The following ABCC4 variants were observed in gnomAD, a reference collection of about 807,000 sequenced individuals.
ABCC4 encodes ATP-binding cassette sub-family C member 4.
Under a neutral mutation model 168.5 loss-of-function variants are expected in ABCC4, and 102 were observed. That is an observed-to-expected ratio of 0.61 (90% CI 0.52 to 0.71). ABCC4 has a LOEUF of 0.71. ABCC4 is among the 30% of genes least tolerant of loss of function. The pLI, the probability that ABCC4 is intolerant of heterozygous loss-of-function variation, is 0.00. For synonymous variants in ABCC4, 617 were observed against 590.7 expected (o/e 1.04, Z -0.65); for missense variants, 1,402 against 1,605.8 (o/e 0.87, Z 2.17).
At chr13:95,244,961 C>G (rs2040069070) in intron 3 of ABCC4, among the ~76,000 whole-genome samples, 1 of 152,114 alleles carries the variant, frequency 6.6e-6, no homozygotes, top group African/African-American at 2.4e-5. Flanking sequence ...TCGATCCGGG[C>G]CCCTTCCCAC....
chr13:95,179,983 CTA>C (rs1449324039), intron 11 of ABCC4, among the ~76,000 whole-genome samples: 1 of 152,164 alleles, frequency 6.6e-6, no homozygotes, highest in East Asian at 1.9e-4. Flanking sequence ...CTATTGATGA[CTA>C]TGACATATTT....
chr13:95,218,150 C>T (rs181837280), intron 4 of ABCC4, among the ~76,000 whole-genome samples: 79 of 152,234 alleles, frequency 5.2e-4, no homozygotes, highest in Non-Finnish European at 9.1e-4. Context: ...ATGAAACTTC[C>T]AATTAAACTG....
intron 3 of ABCC4, among the ~76,000 whole-genome samples, chr13:95,241,604 T>C (rs1401932081): frequency 2.0e-5 from 3 of 151,996 alleles, no homozygotes; most frequent in Non-Finnish European, 2.9e-5. Context: ...GAGGTGCACA[T>C]AGGGGACAGA....
At chr13:95,281,936 G>A (rs59742238) in intron 1 of ABCC4, among the ~76,000 whole-genome samples, 1,820 of 152,154 alleles carry the variant, frequency 0.012, 35 homozygotes, top group African/African-American at 0.041. Context: ...GCAAAACCCC[G>A]TCTCTACTAA....
chr13:95,116,365 T>C (rs539081312), intron 19 of ABCC4, among the ~76,000 whole-genome samples: 2 of 152,304 alleles, frequency 1.3e-5, no homozygotes, highest in South Asian at 2.1e-4. Flanking sequence ...CGTACAGAAA[T>C]TGATCCTAAT....
chr13:95,242,177 A>G (rs948034160), intron 3 of ABCC4, among the ~76,000 whole-genome samples: 3 of 152,164 alleles, frequency 2.0e-5, no homozygotes, highest in African/African-American at 7.2e-5. Flanking sequence ...AAGACCAAAA[A>G]ATGAAAAGCA....
At chr13:95,044,516 C>T in intron 27 of ABCC4, 78 bp from the exon 28 acceptor site, 1 of 1,258,268 alleles carries the variant, frequency 7.9e-7, no homozygotes, top group Non-Finnish European at 1.1e-6. Context: ...ACATTAGAAC[C>T]TTCAAGTCCC....
intron 20 of ABCC4, among the ~76,000 whole-genome samples, chr13:95,105,311 T>C (rs112462017): frequency 0.023 from 3,537 of 152,160 alleles, 69 homozygotes; most frequent in Non-Finnish European, 0.033. Flanking sequence ...TGTCCACCGC[T>C]CACCTCCTGC....
chr13:95,142,873 A>G (rs1246376649), intron 19 of ABCC4, among the ~76,000 whole-genome samples: 5 of 152,172 alleles, frequency 3.3e-5, no homozygotes, highest in Non-Finnish European at 7.3e-5. Flanking sequence ...AAAGAAAGCA[A>G]ATCTCTTAAA....
At chr13:95,086,340 A>G (rs1355594211) in intron 20 of ABCC4, among the ~76,000 whole-genome samples, 1 of 152,234 alleles carries the variant, frequency 6.6e-6, no homozygotes, top group Non-Finnish European at 1.5e-5. Flanking sequence ...CTTAAGAAAA[A>G]AAGAAGAACC....
intron 8 of ABCC4, among the ~76,000 whole-genome samples, chr13:95,198,550 C>A (rs1367165290): frequency 6.6e-6 from 1 of 152,156 alleles, no homozygotes; most frequent in Non-Finnish European, 1.5e-5. Context: ...GACAACGTGG[C>A]AATTCCTCAA....
intron 11 of ABCC4, among the ~76,000 whole-genome samples, chr13:95,184,007 C>T (rs2037982046): frequency 1.3e-5 from 2 of 152,150 alleles, no homozygotes; most frequent in African/African-American, 4.8e-5. Context: ...CACCGTCCTA[C>T]CGAGGATGGA....
intron 19 of ABCC4, among the ~76,000 whole-genome samples, chr13:95,131,391 G>C (rs1410641545): frequency 6.6e-6 from 1 of 152,156 alleles, no homozygotes; most frequent in Admixed American, 6.5e-5. Flanking sequence ...ACTTTTGGAG[G>C]CTGAGGTGGG....
intron 27 of ABCC4, among the ~76,000 whole-genome samples, chr13:95,049,873 TGACAGTG>T (rs1191831005): frequency 6.6e-6 from 1 of 152,210 alleles, no homozygotes; most frequent in East Asian, 1.9e-4. Context: ...AGGAAAAAAC[TGACAGTG>T]CTGTCCTAAT....
At chr13:95,264,509 G>A (rs1056105044) in intron 1 of ABCC4, among the ~76,000 whole-genome samples, 1 of 152,150 alleles carries the variant, frequency 6.6e-6, no homozygotes, top group Non-Finnish European at 1.5e-5. Flanking sequence ...AATGCACTGA[G>A]GATACTGTAT....
intron 19 of ABCC4, among the ~76,000 whole-genome samples, chr13:95,136,797 C>T (rs1370672868): frequency 6.6e-6 from 1 of 152,142 alleles, no homozygotes; most frequent in Non-Finnish European, 1.5e-5. Flanking sequence ...GCAACAAGTC[C>T]CTAGGAAGTG....
intron 4 of ABCC4, among the ~76,000 whole-genome samples, chr13:95,213,102 C>T (rs1017389015): frequency 6.1e-5 from 9 of 147,746 alleles, no homozygotes; most frequent in African/African-American, 2.0e-4. Context: ...ACTCCAGCTT[C>T]GGCGACTGAG....
chr13:95,144,326 A>G, intron 19 of ABCC4, among the ~76,000 whole-genome samples: 1 of 151,854 alleles, frequency 6.6e-6, no homozygotes, highest in East Asian at 1.9e-4. Context: ...GGCTGGAAGC[A>G]TTCTCCTTGA....
chr13:95,149,478 C>A (rs1189470), intron 19 of ABCC4, among the ~76,000 whole-genome samples: 134,786 of 152,194 alleles, frequency 0.89, 60,073 homozygotes, highest in East Asian at 1. Flanking sequence ...AAGAAGAATA[C>A]ATTTATAGTT....
Sources: allele counts gnomAD v4.1 joint callset (sites outside exome capture counted in the v4.1 genomes callset), GRCh38; gene constraint gnomAD v4.1.1; transcripts MANE v1.5; gene names NCBI Gene and HGNC (gene_info 2026-07-23, HGNC 2026-07-21).